CRY1: variants seen among roughly 807,000 people sequenced by gnomAD.
CRY1 encodes cryptochrome circadian regulator 1.
In CRY1, 45 loss-of-function variants were observed where a neutral mutation model predicts 76.0. The ratio of observed to expected loss-of-function variants is 0.59; its 90% CI spans 0.47 to 0.76. The LOEUF is 0.76. Ranked by LOEUF, CRY1 falls within the 30% of genes least tolerant of loss-of-function variation. The pLI is 0.00. For missense variants in CRY1, 587 were observed against 716.4 expected, an observed-to-expected ratio of 0.82 and a Z score of 2.06; for synonymous variants, 248 against 244.0, an observed-to-expected ratio of 1.02 and a Z score of -0.15.
chr12:107,033,236 A>C (rs1284311993), intron 1 of CRY1, among the ~76,000 whole-genome samples: 1 of 152,212 alleles, frequency 6.6e-6, no homozygotes, highest in East Asian at 1.9e-4. Context: ...GAATAATTCT[A>C]AGTCACTAAA....
At position 106,997,338 on chromosome 12, in the gene CRY1, A is replaced by G. The variant is rs1952244116; in HGVS notation, c.1541T>C (p.Met514Thr). ...TGGGATATTTTCTGCAGAATATCCC[A>G]TGAAGCCTCCATTCCCATTAGGATT... ...PSNPNGNGGF[M>T]GYSAENIPGC... The change falls in exon 10 of 13, where the codon ATG becomes ACG. Residue 514 changes from methionine to threonine, a missense_variant. Physicochemically the swap from Met to Thr is moderately conservative, Grantham distance 81. Transcript: ENST00000008527. 6.2e-7 allele frequency: 1 copy of G among 1,613,950 alleles called. No homozygotes were observed. The highest frequency in any genetic ancestry group is 1.3e-5 in the African/African-American group (1 of 74,928).
chr12:107,056,659 G>A (rs1182673579), intron 1 of CRY1, among the ~76,000 whole-genome samples: 1 of 151,822 alleles, frequency 6.6e-6, no homozygotes, highest in East Asian at 1.9e-4. Context: ...TTCCAATGTG[G>A]CCCAGGGAAG....
intron 1 of CRY1, among the ~76,000 whole-genome samples, chr12:107,031,446 A>G (rs1195675829): frequency 6.6e-6 from 1 of 152,002 alleles, no homozygotes; most frequent in East Asian, 1.9e-4. Flanking sequence ...TGAAGACTAC[A>G]AAGAAACTTA....
chr12:107,069,643 A>T (rs866627720), intron 1 of CRY1, among the ~76,000 whole-genome samples: 171 of 66,594 alleles, frequency 2.6e-3, no homozygotes, highest in African/African-American at 7.9e-3. Context: ...TATATATATA[A>T]AAAGTATATA....
rs1003243192 is a variant in CRY1 at position 106,991,499 on chromosome 12, T to C, written c.*503A>G. Reference sequence around the variant, plus strand: ...GGTTTACATCAAAGTTTAAAACATATACTGTCTGTGTTAACAGAGGCTACA... The same window carrying C: ...GGTTTACATCAAAGTTTAAAACATACACTGTCTGTGTTAACAGAGGCTACA... On this transcript the variant is annotated 3_prime_UTR_variant, in exon 13 of 13. Transcript: ENST00000008527. The C allele has an allele frequency of 2.6e-5, 4 of 152,640 alleles. No individual in the cohort carries two copies. Among genetic ancestry groups the C allele is most frequent in the East Asian group, 1.9e-4 (1 of 5,202 alleles). The allele number at this position is 152,640 out of a possible 1,614,324, so 9.5% of individuals were successfully genotyped here.
At chr12:107,019,854 G>A (rs1481269557) in intron 2 of CRY1, among the ~76,000 whole-genome samples, 1 of 152,014 alleles carries the variant, frequency 6.6e-6, no homozygotes, top group Non-Finnish European at 1.5e-5. Context: ...AGGAGTTTGA[G>A]GCTGCAATGA....
chr12:107,057,523 T>C (rs1230282096), intron 1 of CRY1, among the ~76,000 whole-genome samples: 2 of 152,186 alleles, frequency 1.3e-5, no homozygotes, highest in African/African-American at 4.8e-5. Flanking sequence ...ATGAGAGGAC[T>C]GGCATATAAT....
At chr12:107,051,360 G>A (rs1014103175) in intron 1 of CRY1, among the ~76,000 whole-genome samples, 1 of 151,770 alleles carries the variant, frequency 6.6e-6, no homozygotes, top group Non-Finnish European at 1.5e-5. Flanking sequence ...TCCTTTTTAT[G>A]GTAAAATATT....
intron 1 of CRY1, chr12:107,050,226 G>T: frequency 6.6e-6 from 1 of 152,306 alleles, no homozygotes. Flanking sequence ...AGATGGCAAG[G>T]GGAGGGAAGT....
At position 107,087,989 on chromosome 12, in the gene CRY1, T is replaced by C. The variant is rs532940844; in HGVS notation, c.158+4815A>G. ...AGGTGGTTGAGGCTACAGTGAGCCATGATCACGCCTCTGCACTCCAGCCTG... is the reference window on the plus strand; with the variant it reads ...AGGTGGTTGAGGCTACAGTGAGCCACGATCACGCCTCTGCACTCCAGCCTG... On this transcript the variant is annotated intron_variant, in intron 1 of 12. Transcript: ENST00000008527. Among the ~76,000 whole-genome samples the C allele has an allele frequency of 1.2e-3, 184 of 152,228 alleles. 1 individual carries two copies. Among genetic ancestry groups the C allele is most frequent in the Non-Finnish European group, 7.4e-5 (5 of 68,006 alleles).
chr12:107,063,683 C>T (rs1282171279), intron 1 of CRY1, among the ~76,000 whole-genome samples: 3 of 152,100 alleles, frequency 2.0e-5, no homozygotes, highest in Admixed American at 1.3e-4. Context: ...CTGCAACCTC[C>T]GCCTCCTGGA....
At chr12:107,031,114 GA>G (rs1952669234) in intron 1 of CRY1, among the ~76,000 whole-genome samples, 1 of 152,008 alleles carries the variant, frequency 6.6e-6, no homozygotes, top group Admixed American at 6.6e-5. Context: ...AACAAACTGA[GA>G]AACAACAACA....
At chr12:107,040,015 C>T (rs900663045) in intron 1 of CRY1, among the ~76,000 whole-genome samples, 3 of 152,034 alleles carry the variant, frequency 2.0e-5, no homozygotes, top group African/African-American at 7.2e-5. Context: ...TATTATTTGG[C>T]TATTAAAAAG....
intron 1 of CRY1, among the ~76,000 whole-genome samples, chr12:107,042,712 C>A (rs939112593): frequency 6.6e-6 from 1 of 152,062 alleles, no homozygotes; most frequent in Non-Finnish European, 1.5e-5. Flanking sequence ...AGGGAGAACA[C>A]TGGGGTATAT....
intron 4 of CRY1, 108 bp from the exon 5 acceptor site, chr12:107,001,476 A>G: frequency 2.1e-6 from 2 of 958,228 alleles, no homozygotes; most frequent in Non-Finnish European, 3.1e-6. Flanking sequence ...AGAGTACCAT[A>G]AAAATGAACT....
intron 2 of CRY1, among the ~76,000 whole-genome samples, chr12:107,013,241 T>A (rs1952464146): frequency 6.6e-6 from 1 of 152,150 alleles, no homozygotes; most frequent in Non-Finnish European, 1.5e-5. Context: ...GAAATTGCCA[T>A]AGCCACCACA....
chr12:107,060,919 G>A (rs951911234), intron 1 of CRY1, among the ~76,000 whole-genome samples: 4 of 152,090 alleles, frequency 2.6e-5, no homozygotes, highest in Non-Finnish European at 4.4e-5. Context: ...CGGAAGTTGT[G>A]AGCTGAGATC....
chr12:107,077,601 T>A (rs948371319), intron 1 of CRY1, among the ~76,000 whole-genome samples: 2 of 152,258 alleles, frequency 1.3e-5, no homozygotes, highest in African/African-American at 4.8e-5. Flanking sequence ...TTCTTATTTA[T>A]CATCCTGTGA....
At chr12:107,040,287 G>GTT (rs58899017) in intron 1 of CRY1, among the ~76,000 whole-genome samples, 36 of 117,630 alleles carry the variant, frequency 3.1e-4, no homozygotes, top group Non-Finnish European at 4.0e-4. Context: ...TTTTTTTTTA[G>GTT]TTTTTTTTTT....
Sources: gnomAD v4.1 joint callset for allele counts (sites outside exome capture counted in the v4.1 genomes callset) on GRCh38, gnomAD v4.1.1 for gene constraint, MANE v1.5 for transcripts, NCBI Gene and HGNC (gene_info 2026-07-23, HGNC 2026-07-21) for gene names.